Variants in ZC3H8 observed in about 807,000 individuals in gnomAD.
ZC3H8 encodes the protein zinc finger CCCH domain-containing protein 8.
In ZC3H8, 27 loss-of-function variants were observed where a neutral mutation model predicts 42.5. The ratio of observed to expected loss-of-function variants is 0.64; its 90% CI spans 0.47 to 0.88. The LOEUF (loss-of-function observed/expected upper bound fraction) is 0.88. Among genes scored for constraint, ZC3H8 ranks in the 40% least tolerant of loss-of-function variants. The pLI is 0.00. For missense variants in ZC3H8, 277 were observed against 336.1 expected, an observed-to-expected ratio of 0.82 and a Z score of 1.37; for synonymous variants, 101 against 110.1, an observed-to-expected ratio of 0.92 and a Z score of 0.52.
At chr2:112,253,347 A>G (rs1558936418) in intron 1 of ZC3H8, among the ~76,000 whole-genome samples, 1 of 152,204 alleles carries the variant, frequency 6.6e-6, no homozygotes, top group Non-Finnish European at 1.5e-5. Flanking sequence ...CCAAGGCCGT[A>G]GCAGGTGCTC....
rs1357302872 is a variant in ZC3H8, at chr2:112,255,037, G to C, written c.-56C>G. 1.3e-5 allele frequency: 20 copies of C among 1,536,926 alleles called. No homozygotes were observed. Among genetic ancestry groups the C allele is most frequent in the Non-Finnish European group, 1.8e-5 (20 of 1,138,772 alleles). ...GGGAAGCTACAGAGTAACAACCCGA[G>C]AGAGTGACAACCCGGACGCGACGAG... On this transcript the variant is annotated 5_prime_UTR_variant, in exon 1 of 9. Transcript: ENST00000409573.
rs563673814 is a variant in ZC3H8, at chr2:112,219,300, A to ATTG, written c.*16-2835_*16-2833dup. ...TAAACCCTCACGTCTATGGTAAATA[A>ATTG]TTGACAAAAGTACCAAGACCATTCA... On this transcript the variant is annotated intron_variant, in intron 8 of 8. Transcript: ENST00000409573. 2.1e-3 allele frequency among the ~76,000 whole-genome samples: 326 copies of ATTG among 152,322 alleles called. 2 individuals are homozygous for ATTG. Among genetic ancestry groups the ATTG allele is most frequent in the South Asian group, 0.011 (53 of 4,826 alleles).
chr2:112,250,175 G>T lies in ZC3H8; in HGVS notation c.156+16C>A. The T allele has an allele frequency of 6.5e-7, 1 of 1,544,148 alleles. No individual in the cohort carries two copies. Among genetic ancestry groups the T allele is most frequent in the Non-Finnish European group, 8.7e-7 (1 of 1,143,012 alleles). ...ATCTGCGTTTTCAACTTAAACAGTGGTCAACTTAATCTTACTTTTTTGGGA... is the reference window on the plus strand; with the variant it reads ...ATCTGCGTTTTCAACTTAAACAGTGTTCAACTTAATCTTACTTTTTTGGGA... On this transcript the variant is annotated intron_variant, in intron 2 of 8. Transcript: ENST00000409573.
chr2:112,245,419 C>T (rs1558932426), intron 2 of ZC3H8, among the ~76,000 whole-genome samples: 2 of 152,098 alleles, frequency 1.3e-5, no homozygotes, highest in South Asian at 2.1e-4. Flanking sequence ...TTTGGGAGGC[C>T]GAGGCGGGCA....
chr2:112,236,187 C>A (rs1272407428), intron 4 of ZC3H8, among the ~76,000 whole-genome samples: 1 of 152,084 alleles, frequency 6.6e-6, no homozygotes, highest in East Asian at 1.9e-4. Flanking sequence ...TCACTTGAAC[C>A]CGAGAGGCGG....
intron 2 of ZC3H8, among the ~76,000 whole-genome samples, chr2:112,241,009 T>TTGTGTGTG (rs3048247): frequency 1.3e-3 from 183 of 145,558 alleles, no homozygotes; most frequent in South Asian, 0.011. Context: ...GTGTTGTGTT[T>TTGTGTGTG]TGTGTGTGTG....
At chr2:112,238,895 TG>T (rs1041734880) in intron 2 of ZC3H8, among the ~76,000 whole-genome samples, 1 of 152,238 alleles carries the variant, frequency 6.6e-6, no homozygotes, top group African/African-American at 2.4e-5. Flanking sequence ...ATTACATTTC[TG>T]CCTTTGCATT....
At chr2:112,249,112 T>C (rs1415440080) in intron 2 of ZC3H8, among the ~76,000 whole-genome samples, 1 of 152,020 alleles carries the variant, frequency 6.6e-6, no homozygotes, top group African/African-American at 2.4e-5. Flanking sequence ...AGGCTGAGAA[T>C]TGCTTGAGTC....
chr2:112,233,497 A>G, intron 5 of ZC3H8, 126 bp from the exon 6 acceptor site: 1 of 647,468 alleles, frequency 1.5e-6, no homozygotes, highest in East Asian at 3.0e-5. Context: ...GAGGTAGCAC[A>G]TTCTAACTGT....
chr2:112,239,079 G>T (rs1324382358), intron 2 of ZC3H8, among the ~76,000 whole-genome samples: 1 of 152,176 alleles, frequency 6.6e-6, no homozygotes, highest in East Asian at 1.9e-4. Context: ...AAGGAATAAA[G>T]AACTACCCTA....
At chr2:112,233,400 C>T in intron 5 of ZC3H8, 29 bp from the exon 6 acceptor site, 1 of 1,394,224 alleles carries the variant, frequency 7.2e-7, no homozygotes, top group Non-Finnish European at 9.9e-7. Flanking sequence ...CAAGGAAAAG[C>T]CATTATTTCT....
chr2:112,227,411 G>C lies in ZC3H8; in HGVS notation c.*15+3492C>G, dbSNP rs866216613. ...GTGGTGGCAGATGCCTGCAATCCCA[G>C]GTACTCGGGAGGCTGAGGCAGGAGA... On this transcript the variant is annotated intron_variant, in intron 8 of 8. Coordinates refer to ENST00000409573, the MANE Select transcript of ZC3H8 (RefSeq NM_032494.3). 3.9e-5 allele frequency among the ~76,000 whole-genome samples: 6 copies of C among 152,326 alleles called. No homozygotes were observed. In the South Asian group the frequency reaches 1.0e-3, roughly 26 times the overall value.
chr2:112,241,928 C>T (rs1390893840), intron 2 of ZC3H8, among the ~76,000 whole-genome samples: 3 of 152,184 alleles, frequency 2.0e-5, no homozygotes, highest in Non-Finnish European at 2.9e-5. Context: ...ATAGGCTTCA[C>T]CAGACTGCTA....
At chr2:112,229,251 G>A (rs754330130) in intron 8 of ZC3H8, among the ~76,000 whole-genome samples, 5 of 152,048 alleles carry the variant, frequency 3.3e-5, no homozygotes, top group Non-Finnish European at 5.9e-5. Context: ...TGGGAAAAAG[G>A]GAACAACAAC....
At chr2:112,252,315 C>A (rs1004472735) in intron 1 of ZC3H8, among the ~76,000 whole-genome samples, 5 of 152,182 alleles carry the variant, frequency 3.3e-5, no homozygotes, top group Non-Finnish European at 5.9e-5. Flanking sequence ...AAGATCCCTA[C>A]CAAAACCTTA....
rs1279425879 is a variant in ZC3H8, at chr2:112,215,815, GAT to G, written c.*667_*668del. ...CTACAGTTTATAAACCAATGAGAAAGATAAATATTCTTATATTTTAACAACAG... is the reference window on the plus strand; with the variant it reads ...CTACAGTTTATAAACCAATGAGAAAGAAATATTCTTATATTTTAACAACAG... On this transcript the variant is annotated 3_prime_UTR_variant, in exon 9 of 9. Transcript: ENST00000409573. 6.6e-6 allele frequency: 1 copy of G among 152,080 alleles called. No homozygotes were observed. Among genetic ancestry groups the G allele is most frequent in the Non-Finnish European group, 1.5e-5 (1 of 68,010 alleles). 9.4% of individuals were successfully genotyped at this position (152,080 alleles called of 1,614,324 possible).
intron 1 of ZC3H8, among the ~76,000 whole-genome samples, chr2:112,252,935 A>C (rs970682462): frequency 2.0e-5 from 3 of 152,156 alleles, no homozygotes; most frequent in African/African-American, 7.2e-5. Context: ...CAAGGTCAGG[A>C]GATCGAGACC....
intron 8 of ZC3H8, among the ~76,000 whole-genome samples, chr2:112,226,589 C>CAAAAAAAAAA (rs549996878): frequency 0.11 from 8,169 of 73,110 alleles, 1,815 homozygotes; most frequent in Non-Finnish European, 0.16. Flanking sequence ...GACTCCATCT[C>CAAAAAAAAAA]AAAAAAAAAA....
At chr2:112,239,880 C>T (rs745308219) in intron 2 of ZC3H8, among the ~76,000 whole-genome samples, 2 of 152,086 alleles carry the variant, frequency 1.3e-5, no homozygotes, top group Non-Finnish European at 2.9e-5. Context: ...CCACCATGCC[C>T]GGCAACAGTT....
Sources: gnomAD v4.1 joint callset for allele counts (sites outside exome capture counted in the v4.1 genomes callset) on GRCh38, gnomAD v4.1.1 for gene constraint, MANE v1.5 for transcripts, NCBI Gene and HGNC (gene_info 2026-07-23, HGNC 2026-07-21) for gene names.